Variants in ITSN1 observed in about 807,000 individuals in gnomAD.
The protein encoded by ITSN1 is intersectin-1.
ITSN1 carries 58 observed loss-of-function variants against 239.8 expected under a neutral mutation model. The observed-to-expected ratio is 0.24, with a 90% CI of 0.20 to 0.30. ITSN1 has a LOEUF of 0.30. Ranked by LOEUF, ITSN1 falls within the 10% of genes least tolerant of loss-of-function variation. The pLI is 1.00. For synonymous variants in ITSN1, 780 were observed against 770.8 expected, an observed-to-expected ratio of 1.01 and a Z score of -0.20; for missense variants, 1,558 against 2,103.3, an observed-to-expected ratio of 0.74 and a Z score of 5.07.
chr21:33,792,138 T>C (rs569715866), intron 16 of ITSN1, among the ~76,000 whole-genome samples: 1 of 152,324 alleles, frequency 6.6e-6, no homozygotes, highest in South Asian at 2.1e-4. Flanking sequence ...TTCTGATTCA[T>C]CTGCCAGCTC....
chr21:33,798,478 A>G (rs2071734888), intron 18 of ITSN1, among the ~76,000 whole-genome samples: 2 of 152,190 alleles, frequency 1.3e-5, no homozygotes, highest in Non-Finnish European at 2.9e-5. Flanking sequence ...TCTAATCGGA[A>G]TAGCTAGAAA....
At chr21:33,800,299 GTA>G (rs911826702) in intron 19 of ITSN1, among the ~76,000 whole-genome samples, 1 of 151,508 alleles carries the variant, frequency 6.6e-6, no homozygotes, top group Non-Finnish European at 1.5e-5. Context: ...GTGTGCGTGT[GTA>G]TATATATGTG....
intron 29 of ITSN1, chr21:33,836,840 A>G (rs2074628624): frequency 2.9e-6 from 2 of 693,402 alleles, no homozygotes; most frequent in Non-Finnish European, 4.8e-6. Context: ...CTTCTGTAGC[A>G]TGTCCCCTCC....
intron 33 of ITSN1, among the ~76,000 whole-genome samples, chr21:33,871,018 C>T (rs548091911): frequency 8.5e-4 from 129 of 152,234 alleles, no homozygotes; most frequent in African/African-American, 3.0e-3. Flanking sequence ...GTAATCCCAG[C>T]TGCTCGAGAG....
chr21:33,675,933 A>G (rs1057115719), intron 1 of ITSN1, among the ~76,000 whole-genome samples: 1 of 151,860 alleles, frequency 6.6e-6, no homozygotes, highest in Non-Finnish European at 1.5e-5. Flanking sequence ...TGTTTCCAAA[A>G]TTTCATTTGC....
At chr21:33,791,798 G>A (rs1389323945) in intron 16 of ITSN1, among the ~76,000 whole-genome samples, 3 of 152,114 alleles carry the variant, frequency 2.0e-5, no homozygotes, top group Admixed American at 2.0e-4. Context: ...TGCAGTACCT[G>A]TTGTTGAATA....
At chr21:33,648,539 A>G (rs565300977) in intron 1 of ITSN1, among the ~76,000 whole-genome samples, 93 of 152,296 alleles carry the variant, frequency 6.1e-4, no homozygotes, top group Non-Finnish European at 1.2e-3. Flanking sequence ...AGTTGGTCAC[A>G]TAAGTTAGCT....
At chr21:33,763,860 C>T (rs2068538922) in intron 9 of ITSN1, among the ~76,000 whole-genome samples, 1 of 152,182 alleles carries the variant, frequency 6.6e-6, no homozygotes, top group South Asian at 2.1e-4. Context: ...ACTTTGTCTA[C>T]AAGACTCACT....
chr21:33,778,564 ATAT>A (rs1163262097), intron 14 of ITSN1, among the ~76,000 whole-genome samples: 1 of 135,398 alleles, frequency 7.4e-6, no homozygotes, highest in Non-Finnish European at 1.5e-5. Context: ...GTTGTTTATA[ATAT>A]TCTCTTTTTT....
chr21:33,792,738 C>A (rs1448920885), intron 16 of ITSN1, among the ~76,000 whole-genome samples: 2 of 152,140 alleles, frequency 1.3e-5, no homozygotes, highest in African/African-American at 2.4e-5. Context: ...TTTCCCCTTC[C>A]CTCTGTTCCA....
chr21:33,834,166 A>G (rs2074466017), intron 27 of ITSN1, 141 bp from the exon 28 acceptor site: 2 of 623,866 alleles, frequency 3.2e-6, no homozygotes, highest in Non-Finnish European at 5.7e-6. Context: ...CTTTTGTGAC[A>G]TAGTAATCCA....
At chr21:33,682,241 G>A (rs2091003087) in intron 1 of ITSN1, among the ~76,000 whole-genome samples, 1 of 147,128 alleles carries the variant, frequency 6.8e-6, no homozygotes, top group Admixed American at 6.8e-5. Context: ...TTGAGATGGA[G>A]TTTCACTCTT....
intron 24 of ITSN1, among the ~76,000 whole-genome samples, chr21:33,819,991 A>AAAAATAAAAT (rs1023844812): frequency 4.6e-5 from 7 of 152,214 alleles, no homozygotes; most frequent in African/African-American, 1.7e-4. Flanking sequence ...TCCGTCTCAA[A>AAAAATAAAAT]AAAATAAAAT....
At chr21:33,690,772 A>AGC (rs2091473301) in intron 1 of ITSN1, among the ~76,000 whole-genome samples, 5 of 69,246 alleles carry the variant, frequency 7.2e-5, no homozygotes, top group South Asian at 4.7e-4. Flanking sequence ...GAAAAAAAAA[A>AGC]GTGTATATAT....
At chr21:33,708,003 A>G (rs2092302091) in intron 1 of ITSN1, among the ~76,000 whole-genome samples, 1 of 152,240 alleles carries the variant, frequency 6.6e-6, no homozygotes, top group Non-Finnish European at 1.5e-5. Context: ...TCCTCTCAGC[A>G]GTGTGTAGAG....
chr21:33,855,188 C>T (rs1279661361), intron 29 of ITSN1, among the ~76,000 whole-genome samples: 1 of 152,212 alleles, frequency 6.6e-6, no homozygotes, highest in African/African-American at 2.4e-5. Flanking sequence ...CCCTGCTAGG[C>T]CAGAGCAGGC....
intron 16 of ITSN1, among the ~76,000 whole-genome samples, chr21:33,784,310 A>AACACACACAC (rs58496273): frequency 0.028 from 3,699 of 134,122 alleles, 79 homozygotes; most frequent in Non-Finnish European, 0.034. Flanking sequence ...GTCTCTACAA[A>AACACACACAC]ACACACACAC....
chr21:33,855,709 G>C (rs2148474436), intron 29 of ITSN1, among the ~76,000 whole-genome samples: 1 of 152,360 alleles, frequency 6.6e-6, no homozygotes, highest in East Asian at 1.9e-4. Flanking sequence ...CACCATCTCA[G>C]GGCAGTGGAG....
chr21:33,745,609 G>A (rs1357718100), intron 5 of ITSN1, among the ~76,000 whole-genome samples: 1 of 152,168 alleles, frequency 6.6e-6, no homozygotes, highest in Non-Finnish European at 1.5e-5. Context: ...TTGGTAATGT[G>A]GAGGGACAGG....
Sources: gnomAD v4.1 joint callset for allele counts (sites outside exome capture counted in the v4.1 genomes callset) on GRCh38, gnomAD v4.1.1 for gene constraint, MANE v1.5 for transcripts, NCBI Gene and HGNC (gene_info 2026-07-23, HGNC 2026-07-21) for gene names.